The following NRXN1 variants were observed in gnomAD, a reference collection of about 807,000 sequenced individuals.
The protein encoded by NRXN1 is neurexin-1.
A neutral mutation model predicts 150.9 loss-of-function variants in NRXN1; 39 were observed. The observed-to-expected ratio is 0.26, with a 90% confidence interval of 0.20 to 0.34. The LOEUF (loss-of-function observed/expected upper bound fraction) is 0.34, where lower values mean the gene tolerates loss of function less well. NRXN1 is among the 10% of genes least tolerant of loss of function. NRXN1 has a pLI of 1.00. For missense variants in NRXN1, 1,815 were observed against 1,949.9 expected (o/e 0.93, Z 1.30); for synonymous variants, 924 against 757.0 (o/e 1.22, Z -3.62).
At chr2:50,923,603 C>G (rs1686415440) in intron 3 of NRXN1, 1 of 161,546 alleles carries the variant, frequency 6.2e-6, no homozygotes, top group Non-Finnish European at 1.4e-5. Flanking sequence ...TTACTTTTTA[C>G]TGAAAGGCAT....
At chr2:50,089,337 T>G (rs777078381) in intron 19 of NRXN1, among the ~76,000 whole-genome samples, 2 of 152,350 alleles carry the variant, frequency 1.3e-5, no homozygotes, top group African/African-American at 4.8e-5. Flanking sequence ...CAACATCCCA[T>G]GAGCAAAGCC....
At chr2:50,263,622 A>G (rs565979092) in intron 17 of NRXN1, among the ~76,000 whole-genome samples, 1 of 152,254 alleles carries the variant, frequency 6.6e-6, no homozygotes, top group Admixed American at 6.6e-5. Context: ...AAAACAGGTG[A>G]GAAAATTTTT....
chr2:49,956,344 A>G (rs1674939852), intron 21 of NRXN1, among the ~76,000 whole-genome samples: 1 of 152,196 alleles, frequency 6.6e-6, no homozygotes, highest in Non-Finnish European at 1.5e-5. Context: ...GCTGATTAGA[A>G]AAGGTATCAA....
At chr2:50,660,765 A>G (rs1687180901) in intron 5 of NRXN1, among the ~76,000 whole-genome samples, 1 of 151,996 alleles carries the variant, frequency 6.6e-6, no homozygotes, top group Non-Finnish European at 1.5e-5. Context: ...CCTCCAAGAT[A>G]CTGGAGCACT....
rs571057766 is a variant in NRXN1, at chr2:50,816,379, T to C, written c.832+105490A>G. ...AGCCAGGAGCCTTATGCTGAGAGAA[T>C]AGGAATGTTCAATGGGTTCTTCCTT... On this transcript the variant is annotated intron_variant, in intron 5 of 22. Transcript: ENST00000401669. Among the ~76,000 whole-genome samples, 19 of 152,072 alleles carry C rather than the reference T, an allele frequency of 1.2e-4. No homozygotes were observed. The South Asian group carries it at 3.7e-3, about 30-fold the overall frequency.
At chr2:50,735,083 TTAAC>T (rs949332674) in intron 5 of NRXN1, among the ~76,000 whole-genome samples, 1 of 152,210 alleles carries the variant, frequency 6.6e-6, no homozygotes, top group African/African-American at 2.4e-5. Context: ...ACTATTCTCA[TTAAC>T]TTTTAAAAGC....
intron 17 of NRXN1, among the ~76,000 whole-genome samples, chr2:50,331,598 G>A (rs921502739): frequency 3.3e-5 from 5 of 152,104 alleles, no homozygotes; most frequent in Non-Finnish European, 5.9e-5. Context: ...TCTAAGAGAA[G>A]AGCAATAGAT....
intron 8 of NRXN1, among the ~76,000 whole-genome samples, chr2:50,568,169 C>T (rs1034666007): frequency 6.6e-6 from 1 of 152,078 alleles, no homozygotes; most frequent in African/African-American, 2.4e-5. Context: ...TGTCACTAGA[C>T]CTCAAATTGC....
chr2:50,797,903 G>A (rs3850336), intron 5 of NRXN1, among the ~76,000 whole-genome samples: 22,496 of 152,140 alleles, frequency 0.15, 2,117 homozygotes, highest in East Asian at 0.3. Context: ...CCCAGTGTAA[G>A]CTAAAAGAAC....
At chr2:50,192,773 A>AT (rs1053263324) in intron 18 of NRXN1, among the ~76,000 whole-genome samples, 4 of 151,832 alleles carry the variant, frequency 2.6e-5, no homozygotes, top group African/African-American at 7.3e-5. Context: ...CTCCCGGCTA[A>AT]TTTTTTTGTA....
intron 18 of NRXN1, among the ~76,000 whole-genome samples, chr2:50,152,139 T>C (rs868861136): frequency 8.6e-5 from 13 of 151,748 alleles, no homozygotes; most frequent in African/African-American, 3.1e-4. Flanking sequence ...GTCACCACCA[T>C]GCATCTCAAT....
intron 17 of NRXN1, among the ~76,000 whole-genome samples, chr2:50,430,534 C>G (rs1415563675): frequency 6.6e-6 from 1 of 152,052 alleles, no homozygotes; most frequent in East Asian, 1.9e-4. Flanking sequence ...CACATGAAGC[C>G]ACAGTGATGT....
intron 5 of NRXN1, among the ~76,000 whole-genome samples, chr2:50,825,626 T>C (rs1001035608): frequency 6.6e-5 from 10 of 152,202 alleles, no homozygotes; most frequent in Non-Finnish European, 1.3e-4. Context: ...TTTATCTGTA[T>C]CCTTTGTAAT....
At chr2:50,098,567 T>C (rs76305544) in intron 18 of NRXN1, among the ~76,000 whole-genome samples, 3,040 of 152,268 alleles carry the variant, frequency 0.02, 110 homozygotes, top group African/African-American at 0.07. Flanking sequence ...TTGAGCTCTA[T>C]ACAATGTATC....
intron 17 of NRXN1, among the ~76,000 whole-genome samples, chr2:50,407,917 T>C (rs1353067814): frequency 6.6e-6 from 1 of 152,196 alleles, no homozygotes; most frequent in East Asian, 1.9e-4. Flanking sequence ...TCTCTGTACA[T>C]GGCTTGGGCT....
intron 5 of NRXN1, among the ~76,000 whole-genome samples, chr2:50,778,250 A>C (rs552918432): frequency 6.6e-6 from 1 of 152,286 alleles, no homozygotes; most frequent in East Asian, 1.9e-4. Context: ...AGACAAAATG[A>C]AAAGAAGATG....
chr2:49,939,460 C>T (rs962023842), intron 22 of NRXN1, among the ~76,000 whole-genome samples: 1 of 152,106 alleles, frequency 6.6e-6, no homozygotes. Flanking sequence ...TGAAGCCATC[C>T]TTTTGTATTC....
At chr2:50,337,523 T>C (rs1035590343) in intron 17 of NRXN1, among the ~76,000 whole-genome samples, 3 of 152,186 alleles carry the variant, frequency 2.0e-5, no homozygotes, top group African/African-American at 7.2e-5. Flanking sequence ...AGTACCTATC[T>C]CATAAAGTTG....
intron 5 of NRXN1, among the ~76,000 whole-genome samples, chr2:50,882,464 C>G (rs1679592399): frequency 6.6e-6 from 1 of 151,756 alleles, no homozygotes; most frequent in Admixed American, 6.6e-5. Flanking sequence ...TGTAACAGCC[C>G]AGGTGACATA....
Sources: gnomAD v4.1 joint callset for allele counts (sites outside exome capture counted in the v4.1 genomes callset) on GRCh38, gnomAD v4.1.1 for gene constraint, MANE v1.5 for transcripts, NCBI Gene and HGNC (gene_info 2026-07-23, HGNC 2026-07-21) for gene names.